Variants in VAV3 observed in about 807,000 individuals in gnomAD.
VAV3 encodes guanine nucleotide exchange factor VAV3.
VAV3 carries 94 observed loss-of-function variants against 131.2 expected under a neutral mutation model. That is an observed-to-expected ratio of 0.72 (90% CI 0.61 to 0.85). VAV3 has a LOEUF of 0.85. VAV3 is among the 40% of genes least tolerant of loss of function. The probability of loss-of-function intolerance (pLI) is 0.00; values close to 1 mark genes in which losing one functional copy is unlikely to be tolerated. For missense variants in VAV3, 939 were observed against 1,002.7 expected (o/e 0.94, Z 0.86); for synonymous variants, 349 against 342.0 (o/e 1.02, Z -0.22).
intron 2 of VAV3, among the ~76,000 whole-genome samples, chr1:107,841,899 A>C (rs908127640): frequency 6.6e-6 from 1 of 152,220 alleles, no homozygotes; most frequent in African/African-American, 2.4e-5. Context: ...GCGTTGGGTT[A>C]AATAAAATGT....
intron 19 of VAV3, among the ~76,000 whole-genome samples, chr1:107,661,430 C>T (rs982650744): frequency 6.6e-6 from 1 of 152,216 alleles, no homozygotes; most frequent in Admixed American, 6.5e-5. Flanking sequence ...TCGCAACCCT[C>T]CCAGGCAGAT....
At chr1:107,599,923 A>G (rs537477988) in intron 24 of VAV3, among the ~76,000 whole-genome samples, 2 of 151,418 alleles carry the variant, frequency 1.3e-5, no homozygotes, top group South Asian at 2.1e-4. Context: ...TTTGACTCCA[A>G]CATGATAAAA....
Position 107,964,852 on chromosome 1 carries a change from C to G in VAV3, c.18G>C (p.Gln6His). The change falls in exon 1 of 27, where the codon CAG becomes CAC. Residue 6 changes from glutamine (Q) to histidine (H), a missense_variant. Gln to His is a conservative substitution (Grantham distance 24). Coordinates refer to ENST00000370056, the MANE Select transcript of VAV3 (RefSeq NM_006113.5). ...TGCAATGGATGAGCCACTGCGCGCA[C>G]TGCTTCCACGGCTCCATGCCCGACG... MEPWK[Q>H]CAQWLIHCKV... The G allele has an allele frequency of 6.2e-7, 1 of 1,608,382 alleles. No homozygotes were observed. Among genetic ancestry groups the G allele is most frequent in the Non-Finnish European group, 8.5e-7 (1 of 1,177,442 alleles).
intron 1 of VAV3, among the ~76,000 whole-genome samples, chr1:107,958,527 TATGA>T (rs1221873090): frequency 2.0e-5 from 3 of 152,234 alleles, no homozygotes; most frequent in Non-Finnish European, 2.9e-5. Flanking sequence ...GGCAACACTG[TATGA>T]AAACACATGG....
chr1:107,618,709 T>G (rs1197992841), intron 20 of VAV3, among the ~76,000 whole-genome samples: 1 of 152,166 alleles, frequency 6.6e-6, no homozygotes, highest in African/African-American at 2.4e-5. Context: ...AATCTGCCCA[T>G]GGTCACAGAG....
At chr1:107,948,482 A>ATG (rs1674375547) in intron 1 of VAV3, among the ~76,000 whole-genome samples, 1 of 152,220 alleles carries the variant, frequency 6.6e-6, no homozygotes, top group Non-Finnish European at 1.5e-5. Flanking sequence ...TCATTTTTAA[A>ATG]ACCAAGTTGC....
intron 2 of VAV3, among the ~76,000 whole-genome samples, chr1:107,798,180 G>A (rs563192040): frequency 2.0e-5 from 3 of 152,264 alleles, no homozygotes; most frequent in South Asian, 2.1e-4. Flanking sequence ...AAATTCTAAC[G>A]AGGCTGAATT....
chr1:107,690,361 T>C (rs752393936), intron 17 of VAV3, among the ~76,000 whole-genome samples: 3 of 152,134 alleles, frequency 2.0e-5, no homozygotes, highest in Admixed American at 6.6e-5. Context: ...ACGGAGACAC[T>C]TGCACCTCTT....
intron 17 of VAV3, among the ~76,000 whole-genome samples, chr1:107,698,187 T>C (rs1659861227): frequency 6.6e-6 from 1 of 152,206 alleles, no homozygotes; most frequent in Non-Finnish European, 1.5e-5. Context: ...TCCCCAATTT[T>C]GGATGGTTCA....
intron 15 of VAV3, among the ~76,000 whole-genome samples, chr1:107,726,533 G>T (rs1661852190): frequency 6.6e-6 from 1 of 150,888 alleles, no homozygotes; most frequent in Admixed American, 6.7e-5. Flanking sequence ...GGCTTCTTGT[G>T]CTTGTAACAT....
Position 107,683,530 on chromosome 1 carries a change from G to T in VAV3, c.1735C>A (p.Arg579=). ...GGAGTTCTTCGCAGTCCATTGGTCC[G>T]TTTCTGTGCAGTAAAGTAAAACAAA... The part of the protein sequence containing the change: ...EQGTLKLPEK[R]TNGLRRTPKQ... Residue 579 remains arginine (R), a synonymous_variant, in exon 19 of 27, where the codon CGG becomes AGG. Transcript: ENST00000370056. The T allele has an allele frequency of 6.2e-7, 1 of 1,613,824 alleles. No homozygotes were observed. Among genetic ancestry groups the T allele is most frequent in the South Asian group, 1.1e-5 (1 of 91,058 alleles).
chr1:107,948,054 C>A (rs7552333), intron 1 of VAV3, among the ~76,000 whole-genome samples: 2,756 of 152,292 alleles, frequency 0.018, 32 homozygotes, highest in Non-Finnish European at 0.027. Flanking sequence ...CTGAGTAATG[C>A]TGAATGGCTA....
At chr1:107,749,809 A>G (rs1663595109) in intron 13 of VAV3, among the ~76,000 whole-genome samples, 1 of 152,172 alleles carries the variant, frequency 6.6e-6, no homozygotes. Context: ...TGGTTCCCTC[A>G]TTTTAAAAAT....
chr1:107,586,191 C>T (rs907187386), intron 25 of VAV3, among the ~76,000 whole-genome samples: 2 of 148,288 alleles, frequency 1.3e-5, no homozygotes, highest in African/African-American at 2.5e-5. Flanking sequence ...ACATAATACA[C>T]TTAATTATTT....
At chr1:107,871,039 T>A (rs1459309591) in intron 2 of VAV3, among the ~76,000 whole-genome samples, 1 of 152,162 alleles carries the variant, frequency 6.6e-6, no homozygotes. Context: ...AGGAAACATT[T>A]CCAAAGAGTG....
At chr1:107,658,065 T>C (rs191684779) in intron 19 of VAV3, among the ~76,000 whole-genome samples, 64 of 152,338 alleles carry the variant, frequency 4.2e-4, no homozygotes, top group Middle Eastern at 3.4e-3. Flanking sequence ...AATACTTCAA[T>C]ATCTCTTTCT....
At chr1:107,917,870 T>C (rs561734699) in intron 1 of VAV3, among the ~76,000 whole-genome samples, 1 of 152,244 alleles carries the variant, frequency 6.6e-6, no homozygotes, top group Non-Finnish European at 1.5e-5. Flanking sequence ...GAGCCACATA[T>C]TGGTACTCAA....
At chr1:107,731,046 T>C (rs1013737285) in intron 15 of VAV3, among the ~76,000 whole-genome samples, 3 of 152,184 alleles carry the variant, frequency 2.0e-5, no homozygotes, top group Admixed American at 6.5e-5. Context: ...TATCCAAAAA[T>C]GCTTTGGAAA....
At chr1:107,778,991 A>G (rs1042963870) in intron 3 of VAV3, among the ~76,000 whole-genome samples, 50 of 152,152 alleles carry the variant, frequency 3.3e-4, no homozygotes, top group Non-Finnish European at 7.4e-5. Flanking sequence ...TTCAATACAC[A>G]TTCTTGTACA....
Sources: gnomAD v4.1 joint callset for allele counts (sites outside exome capture counted in the v4.1 genomes callset) on GRCh38, gnomAD v4.1.1 for gene constraint, MANE v1.5 for transcripts, NCBI Gene and HGNC (gene_info 2026-07-23, HGNC 2026-07-21) for gene names.